Variants in FERMT1 observed in about 807,000 individuals in gnomAD.
FERMT1 encodes the protein fermitin family homolog 1.
In FERMT1, 60 loss-of-function variants were observed where a neutral mutation model predicts 85.3. The ratio of observed to expected loss-of-function variants is 0.70; its 90% CI spans 0.57 to 0.87. The LOEUF (loss-of-function observed/expected upper bound fraction) is 0.87. Ranked by LOEUF, FERMT1 falls within the 40% of genes least tolerant of loss-of-function variation. FERMT1 has a pLI of 0.00. For synonymous variants in FERMT1, 275 were observed against 301.1 expected, an observed-to-expected ratio of 0.91 and a Z score of 0.90; for missense variants, 701 against 818.9, an observed-to-expected ratio of 0.86 and a Z score of 1.76.
At chr20:6,101,075 G>A (rs1014705397) in intron 6 of FERMT1, among the ~76,000 whole-genome samples, 1 of 152,146 alleles carries the variant, frequency 6.6e-6, no homozygotes, top group East Asian at 1.9e-4. Flanking sequence ...ACGAAAACAA[G>A]ATGACCTAAT....
chr20:6,114,934 C>A (rs1983057321), intron 3 of FERMT1, among the ~76,000 whole-genome samples: 1 of 152,068 alleles, frequency 6.6e-6, no homozygotes, highest in Non-Finnish European at 1.5e-5. Flanking sequence ...TCTGTCTCTG[C>A]CTGCTAAAAT....
chr20:6,085,449 A>T (rs1213602841), intron 11 of FERMT1, among the ~76,000 whole-genome samples, 162 bp from the exon 12 acceptor site: 1 of 152,234 alleles, frequency 6.6e-6, no homozygotes, highest in Non-Finnish European at 1.5e-5. Context: ...CAGCTAATGT[A>T]ACACCTAACA....
At chr20:6,077,988 C>T (rs1217787418) in intron 14 of FERMT1, among the ~76,000 whole-genome samples, 6 of 152,108 alleles carry the variant, frequency 3.9e-5, no homozygotes, top group Non-Finnish European at 8.8e-5. Flanking sequence ...CCTGCAGGCT[C>T]TTTAATGAAT....
rs755514830 is a variant in FERMT1, at chr20:6,097,590, C to T, written c.891G>A (p.Arg297=). ...CAATTTCTTCTAAGAGAATGGCCCACCTGGCTTGCTCATAGAGTTGGTTTA... is the reference window on the plus strand; with the variant it reads ...CAATTTCTTCTAAGAGAATGGCCCATCTGGCTTGCTCATAGAGTTGGTTTA... ...VRINQLYEQA[R]WAILLEEIDC... The change falls in exon 7 of 15, where the codon AGG becomes AGA. Residue 297 remains arginine (R), a synonymous_variant. Coordinates refer to ENST00000217289, the MANE Select transcript of FERMT1 (RefSeq NM_017671.5). 1.9e-6 allele frequency: 3 copies of T among 1,614,064 alleles called. No homozygotes were observed. The highest frequency in any genetic ancestry group is 1.1e-5 in the South Asian group (1 of 91,076).
intron 13 of FERMT1, 52 bp from the exon 14 acceptor site, chr20:6,079,629 A>G (rs957918306): frequency 6.6e-7 from 1 of 1,510,562 alleles, no homozygotes; most frequent in Non-Finnish European, 9.2e-7. Context: ...CCTATAATAC[A>G]ATGTTCACTC....
Position 6,111,535 on chromosome 20 carries a change from G to T in FERMT1, c.532+942C>A, listed in dbSNP as rs557399622. On this transcript the variant is annotated intron_variant, in intron 4 of 14. Coordinates refer to ENST00000217289, the MANE Select transcript of FERMT1 (RefSeq NM_017671.5). ...TAATTCCAGCTACTCAGGAGGCTGA[G>T]GCATGAGAATCACTTGAGCCCGGGA... Among the ~76,000 whole-genome samples, 8 of 152,258 alleles carry T rather than the reference G, an allele frequency of 5.3e-5. No individual in the cohort carries two copies. In the South Asian group the frequency reaches 1.0e-3, roughly 20 times the overall value.
chr20:6,095,123 T>C, intron 8 of FERMT1, 135 bp from the exon 9 acceptor site: 1 of 638,812 alleles, frequency 1.6e-6, no homozygotes, highest in East Asian at 2.7e-5. Flanking sequence ...TTAAATAAAA[T>C]GAAAAACTCA....
intron 1 of FERMT1, among the ~76,000 whole-genome samples, chr20:6,121,053 C>T (rs906438826): frequency 1.3e-5 from 2 of 152,180 alleles, no homozygotes; most frequent in Admixed American, 1.3e-4. Context: ...CAAATCTGAA[C>T]AGATTTAGGA....
Position 6,079,553 on chromosome 20 carries a change from G to A in FERMT1, c.1743C>T (p.Asp581=), listed in dbSNP as rs374858208. The A allele has an allele frequency of 4.3e-6, 7 of 1,613,754 alleles. No individual in the cohort carries two copies. Among genetic ancestry groups the A allele is most frequent in the Non-Finnish European group, 5.9e-6 (7 of 1,179,844 alleles). The change falls in exon 14 of 15, where the codon GAC becomes GAT. Residue 581 remains aspartate, a synonymous_variant. Coordinates refer to ENST00000217289, the MANE Select transcript of FERMT1 (RefSeq NM_017671.5). ...ACCTGTTATATGAAACTCCCAGAAT[G>A]TCATCTTTTTTGCTTCCTTTAAATC... ...LVRFKGSKKD[D]ILGVSYNRLI...
intron 14 of FERMT1, among the ~76,000 whole-genome samples, chr20:6,077,988 CTT>C (rs78724936): frequency 0.12 from 18,335 of 152,180 alleles, 1,189 homozygotes; most frequent in African/African-American, 0.17. Flanking sequence ...CCTGCAGGCT[CTT>C]TAATGAATAA....
chr20:6,090,389 A>G (rs1042508683), intron 9 of FERMT1, among the ~76,000 whole-genome samples: 5 of 152,164 alleles, frequency 3.3e-5, no homozygotes, highest in Non-Finnish European at 7.4e-5. Context: ...ATTTTTTTAA[A>G]CATGTCAGTA....
rs182621975 is a variant in FERMT1 at position 6,090,324 on chromosome 20, C to T, written c.1140-1235G>A. ...TCCTGACCTTGTGATCTGCCCGCCT[C>T]GGCCTCCCAAAGTGCTGGGATTACA... On this transcript the variant is annotated intron_variant, in intron 9 of 14. Transcript: ENST00000217289. Among the ~76,000 whole-genome samples the T allele has an allele frequency of 2.6e-5, 4 of 152,228 alleles. 1 individual carries two copies. In the East Asian group the frequency reaches 5.8e-4, roughly 22 times the overall value.
At chr20:6,098,739 T>G (rs1447415321) in intron 6 of FERMT1, among the ~76,000 whole-genome samples, 1 of 152,116 alleles carries the variant, frequency 6.6e-6, no homozygotes, top group Non-Finnish European at 1.5e-5. Flanking sequence ...GATTAAATAA[T>G]TTAAACATAT....
At chr20:6,105,127 A>T (rs952454415) in intron 6 of FERMT1, among the ~76,000 whole-genome samples, 2 of 152,084 alleles carry the variant, frequency 1.3e-5, no homozygotes, top group Non-Finnish European at 2.9e-5. Context: ...GTCTCCAAGG[A>T]CTTGATTGTC....
intron 4 of FERMT1, among the ~76,000 whole-genome samples, chr20:6,111,410 T>A (rs1982945768): frequency 6.6e-6 from 1 of 151,978 alleles, no homozygotes; most frequent in Admixed American, 6.6e-5. Flanking sequence ...GGCAGGCGGA[T>A]CACTTGAGGC....
chr20:6,082,499 C>A (rs1459182349), intron 13 of FERMT1, among the ~76,000 whole-genome samples: 1 of 152,182 alleles, frequency 6.6e-6, no homozygotes, highest in East Asian at 1.9e-4. Context: ...CGCACATGGA[C>A]ACATATGCGC....
chr20:6,077,841 T>C (rs1398917038), intron 14 of FERMT1, among the ~76,000 whole-genome samples: 1 of 152,050 alleles, frequency 6.6e-6, no homozygotes, highest in African/African-American at 2.4e-5. Context: ...CCACCACACC[T>C]GGCTAATTTT....
At chr20:6,096,305 C>T (rs1982497007) in intron 8 of FERMT1, among the ~76,000 whole-genome samples, 1 of 152,088 alleles carries the variant, frequency 6.6e-6, no homozygotes, top group South Asian at 2.1e-4. Context: ...GTGGGAGAGT[C>T]ACTTGAGCCC....
intron 6 of FERMT1, among the ~76,000 whole-genome samples, chr20:6,101,984 A>G (rs1016568078): frequency 6.6e-6 from 1 of 152,020 alleles, no homozygotes; most frequent in African/African-American, 2.4e-5. Context: ...AATTAATTTA[A>G]TTGTGGTAAA....
Sources: gnomAD v4.1 joint callset for allele counts (sites outside exome capture counted in the v4.1 genomes callset) on GRCh38, gnomAD v4.1.1 for gene constraint, MANE v1.5 for transcripts, NCBI Gene and HGNC (gene_info 2026-07-23, HGNC 2026-07-21) for gene names.